The following TNFRSF8 variants were observed in gnomAD, a reference collection of about 807,000 sequenced individuals.
TNFRSF8 encodes tumor necrosis factor receptor superfamily member 8.
Under a neutral mutation model 70.8 loss-of-function variants are expected in TNFRSF8, and 26 were observed. The ratio of observed to expected loss-of-function variants is 0.37; its 90% CI spans 0.27 to 0.51. The LOEUF is 0.51. TNFRSF8 is among the 20% of genes least tolerant of loss of function. TNFRSF8 has a pLI of 0.94. For missense variants in TNFRSF8, 720 were observed against 807.9 expected (o/e 0.89, Z 1.32); for synonymous variants, 356 against 339.2 (o/e 1.05, Z -0.54).
rs760025336 is a variant in TNFRSF8, at chr1:12,141,176, C to T, written c.1544-1111C>T. Among the ~76,000 whole-genome samples the T allele has an allele frequency of 1.6e-4, 25 of 152,130 alleles. No homozygotes were observed. Among genetic ancestry groups the T allele is most frequent in the Non-Finnish European group, 2.2e-4 (15 of 67,970 alleles). On this transcript the variant is annotated intron_variant, in intron 14 of 14. Transcript: ENST00000263932. This position sits in a 1 kb window ranked among gnomAD's most constrained non-coding sequence, Gnocchi z 5.4. ...AGAACCTTTTTGGGGTTCCTGAATC[C>T]GAGGGGTATAACTGCATTACCCAGA...
chr1:12,078,979 C>G (rs1294531949), intron 1 of TNFRSF8, among the ~76,000 whole-genome samples: 1 of 152,190 alleles, frequency 6.6e-6, no homozygotes, highest in Non-Finnish European at 1.5e-5. Flanking sequence ...GGCCCGGGGC[C>G]TCACCTTGAA....
intron 14 of TNFRSF8, among the ~76,000 whole-genome samples, chr1:12,139,550 G>C (rs116257598): frequency 4.6e-5 from 7 of 152,196 alleles, no homozygotes; most frequent in African/African-American, 7.2e-5. Context: ...GTGACTGCGT[G>C]TTTATAGCCT....
At position 12,111,902 on chromosome 1, in the gene TNFRSF8, G is replaced by C; in HGVS notation, c.681G>C (p.Leu227=). Residue 227 remains leucine, a synonymous_variant, in exon 7 of 15, where the codon CTG becomes CTC. Coordinates refer to ENST00000263932, the MANE Select transcript of TNFRSF8 (RefSeq NM_001243.5). ...CTTCTCTGCTTCTTTCCCCAGGTCTGTCCCCAACACAGCCATGCCCAGAGG... is the reference window on the plus strand; with the variant it reads ...CTTCTCTGCTTCTTTCCCCAGGTCTCTCCCCAACACAGCCATGCCCAGAGG... The part of the protein sequence containing the change: ...SVGRPSSDPG[L]SPTQPCPEGS... 1 of 1,614,108 alleles carries C rather than the reference G, an allele frequency of 6.2e-7. No homozygotes were observed. The highest frequency in any genetic ancestry group is 1.1e-5 in the South Asian group (1 of 91,084).
At chr1:12,078,525 C>T (rs765909585) in intron 1 of TNFRSF8, among the ~76,000 whole-genome samples, 2 of 152,176 alleles carry the variant, frequency 1.3e-5, no homozygotes, top group Non-Finnish European at 2.9e-5. Context: ...GATCGCACCA[C>T]TGCACTCCAG....
At chr1:12,071,283 A>G (rs927646457) in intron 1 of TNFRSF8, among the ~76,000 whole-genome samples, 3 of 152,142 alleles carry the variant, frequency 2.0e-5, no homozygotes, top group African/African-American at 7.2e-5. Context: ...TGCTAAAAAT[A>G]CAAAAATTAG....
intron 10 of TNFRSF8, among the ~76,000 whole-genome samples, chr1:12,124,861 A>AAC (rs1245555858): frequency 1.3e-5 from 2 of 151,042 alleles, no homozygotes; most frequent in Non-Finnish European, 1.5e-5. Context: ...AACAAAACAA[A>AAC]ACAAAACAAA....
At chr1:12,065,329 C>T (rs1640721449) in intron 1 of TNFRSF8, among the ~76,000 whole-genome samples, 3 of 151,952 alleles carry the variant, frequency 2.0e-5, no homozygotes, top group Non-Finnish European at 2.9e-5. Flanking sequence ...GTGATCCTTC[C>T]GTCTCGGCCT....
At chr1:12,127,676 G>A (rs1041971345) in intron 12 of TNFRSF8, among the ~76,000 whole-genome samples, 3 of 152,346 alleles carry the variant, frequency 2.0e-5, no homozygotes, top group African/African-American at 4.8e-5. Flanking sequence ...TGTGCAAGGG[G>A]GGTTTTTGTG....
At chr1:12,066,883 C>G (rs1170216040) in intron 1 of TNFRSF8, among the ~76,000 whole-genome samples, 1 of 151,786 alleles carries the variant, frequency 6.6e-6, no homozygotes, top group African/African-American at 2.4e-5. Flanking sequence ...GAGCTCCTGG[C>G]CTCAAGTGAT....
chr1:12,118,907 C>T (rs548966557), intron 8 of TNFRSF8, among the ~76,000 whole-genome samples: 35 of 152,270 alleles, frequency 2.3e-4, no homozygotes, highest in Non-Finnish European at 4.4e-4. Flanking sequence ...CTCTGTCGCC[C>T]AGGCTGGAGT....
At chr1:12,102,723 A>C (rs1055933910) in intron 3 of TNFRSF8, among the ~76,000 whole-genome samples, 1 of 151,810 alleles carries the variant, frequency 6.6e-6, no homozygotes, top group Non-Finnish European at 1.5e-5. Flanking sequence ...ACAGGGTTTC[A>C]CTATGTTGGC....
Position 12,142,525 on chromosome 1 carries a change from A to T in TNFRSF8, c.1782A>T (p.Gly594=). Residue 594 remains glycine, a synonymous_variant, in exon 15 of 15, where the codon GGA becomes GGT. Transcript: ENST00000263932. The surrounding 1 kb of genome is among the most constrained non-coding windows in gnomAD (Gnocchi z 5.0). ...ACCCCTTGCCCACAGCTGCCTCTGGAAAGTGAGGCCTGGGCTGGGCTGGGG... is the reference window on the plus strand; with the variant it reads ...ACCCCTTGCCCACAGCTGCCTCTGGTAAGTGAGGCCTGGGCTGGGCTGGGG... ...KEDPLPTAAS[G]K is the part of the protein sequence containing the mutation. The T allele has an allele frequency of 6.4e-7, 1 of 1,566,692 alleles. No homozygotes were observed. The highest frequency in any genetic ancestry group is 2.4e-5 in the East Asian group (1 of 42,036).
At position 12,142,265 on chromosome 1, in the gene TNFRSF8, C is replaced by A; in HGVS notation, c.1544-22C>A. ...GGCTGGTGCTCTGGCCTCCCTCGCT[C>A]ACCCATCCTTTTGCCTTGCAGAGAA... is the stretch of plus-strand genomic sequence containing the variant. On this transcript the variant is annotated intron_variant, in intron 14 of 14. Coordinates refer to ENST00000263932, the MANE Select transcript of TNFRSF8 (RefSeq NM_001243.5). The surrounding 1 kb of genome is among the most constrained non-coding windows in gnomAD (Gnocchi z 5.0). The A allele has an allele frequency of 6.4e-7, 1 of 1,561,906 alleles. No homozygotes were observed. The highest frequency in any genetic ancestry group is 8.7e-7 in the Non-Finnish European group (1 of 1,150,310).
At chr1:12,097,684 T>A (rs1641352734) in intron 3 of TNFRSF8, among the ~76,000 whole-genome samples, 3 of 152,030 alleles carry the variant, frequency 2.0e-5, no homozygotes, top group South Asian at 4.2e-4. Flanking sequence ...ATTGTTAGTC[T>A]CTTATTATGG....
Position 12,109,763 on chromosome 1 carries a change from G to A in TNFRSF8, c.512+107G>A. On this transcript the variant is annotated intron_variant, in intron 5 of 14. Transcript: ENST00000263932. This position sits in a 1 kb window ranked among gnomAD's most constrained non-coding sequence, Gnocchi z 4.4. ...TACAACTGGGCTGGGGGTGTAAGCG[G>A]GATTCAGCCCATGGTGTCAGCACTT... 1.5e-5 allele frequency: 15 copies of A among 1,020,028 alleles called. No individual in the cohort carries two copies. The South Asian group carries it at 2.0e-4, about 14-fold the overall frequency. The allele number at this position is 1,020,028 out of a possible 1,614,324, so 63.2% of individuals were successfully genotyped here.
At chr1:12,068,105 C>G (rs1387699899) in intron 1 of TNFRSF8, among the ~76,000 whole-genome samples, 1 of 152,154 alleles carries the variant, frequency 6.6e-6, no homozygotes, top group Non-Finnish European at 1.5e-5. Flanking sequence ...GACTTAGACT[C>G]GTTTCTTGAG....
chr1:12,118,230 C>G (rs191399057), intron 8 of TNFRSF8, among the ~76,000 whole-genome samples: 2 of 152,034 alleles, frequency 1.3e-5, no homozygotes, highest in Admixed American at 6.6e-5. Flanking sequence ...TGTGCCTCAG[C>G]CTCCCAAGTA....
chr1:12,117,567 T>C (rs1641756051), intron 8 of TNFRSF8, among the ~76,000 whole-genome samples: 1 of 152,190 alleles, frequency 6.6e-6, no homozygotes. Context: ...TCTCCGCCCA[T>C]GGGCCCAGGG....
chr1:12,117,656 G>A (rs564473223), intron 8 of TNFRSF8, among the ~76,000 whole-genome samples: 13 of 152,204 alleles, frequency 8.5e-5, no homozygotes, highest in South Asian at 2.1e-4. Context: ...AACTGTCCCC[G>A]CTCAGTGACT....
Sources: gnomAD v4.1 joint callset for allele counts (sites outside exome capture counted in the v4.1 genomes callset) on GRCh38, gnomAD v4.1.1 for gene constraint, Gnocchi (gnomAD v3.1) non-coding constraint, MANE v1.5 for transcripts, NCBI Gene and HGNC (gene_info 2026-07-23, HGNC 2026-07-21) for gene names.